The following NEBL variants were observed in gnomAD, a reference collection of about 807,000 sequenced individuals.
NEBL encodes nebulette.
Under a neutral mutation model 140.2 loss-of-function variants are expected in NEBL, and 122 were observed. The observed-to-expected ratio is 0.87, with a 90% CI of 0.75 to 1.01. NEBL has a LOEUF of 1.01. Among genes scored for constraint, NEBL ranks in the 50% least tolerant of loss-of-function variants. The probability of loss-of-function intolerance (pLI) is 0.00; values close to 1 mark genes in which losing one functional copy is unlikely to be tolerated. For missense variants in NEBL, 1,365 were observed against 1,231.3 expected (o/e 1.11, Z -1.62); for synonymous variants, 436 against 398.9 (o/e 1.09, Z -1.11).
chr10:20,828,312 G>A (rs751527639), intron 17 of NEBL, among the ~76,000 whole-genome samples: 14 of 152,026 alleles, frequency 9.2e-5, no homozygotes, highest in East Asian at 1.9e-4. Flanking sequence ...CATTTATACC[G>A]AAGAGGAAAT....
At position 21,173,473 on chromosome 10, in the gene NEBL, C is replaced by G. The variant is rs1841174279; in HGVS notation, c.69+292G>C. Reference sequence around the variant, plus strand: ...TGCCCCCCTGGGTGCCCAGCCTGGTCCCTCCGGGGTCCGGGGCTGCGCACC... The same window carrying G: ...TGCCCCCCTGGGTGCCCAGCCTGGTGCCTCCGGGGTCCGGGGCTGCGCACC... On this transcript the variant is annotated intron_variant, in intron 1 of 6. Transcript: ENST00000417816. The surrounding 1 kb of genome is among the most constrained non-coding windows in gnomAD (Gnocchi z 5.7). Among the ~76,000 whole-genome samples the G allele has an allele frequency of 6.7e-6, 1 of 149,606 alleles. No individual in the cohort carries two copies. Among genetic ancestry groups the G allele is most frequent in the African/African-American group, 2.5e-5 (1 of 40,724 alleles).
intron 2 of NEBL, among the ~76,000 whole-genome samples, chr10:21,099,617 C>T: frequency 6.6e-6 from 1 of 152,166 alleles, no homozygotes; most frequent in East Asian, 1.9e-4. Flanking sequence ...AGGGCCGTAA[C>T]TGCATTTGAT....
chr10:21,001,483 G>C (rs1837897640), intron 3 of NEBL, among the ~76,000 whole-genome samples: 1 of 152,032 alleles, frequency 6.6e-6, no homozygotes, highest in Non-Finnish European at 1.5e-5. Context: ...CATTATCACA[G>C]ATACTCCAGG....
intron 2 of NEBL, among the ~76,000 whole-genome samples, chr10:21,033,123 G>T (rs1387469026): frequency 6.6e-6 from 1 of 152,200 alleles, no homozygotes. Flanking sequence ...ACAAGGAAAT[G>T]TGTGACATCG....
intron 2 of NEBL, chr10:21,030,665 A>G: frequency 2.0e-6 from 1 of 506,522 alleles, no homozygotes; most frequent in Non-Finnish European, 3.9e-6. Context: ...GGTGTGGTGA[A>G]TGTCCCAAAA....
At chr10:21,044,322 G>A (rs1377702527) in intron 2 of NEBL, among the ~76,000 whole-genome samples, 4 of 149,668 alleles carry the variant, frequency 2.7e-5, no homozygotes, top group African/African-American at 4.9e-5. Flanking sequence ...GCTTGAACCC[G>A]GGAGGCGGAG....
At chr10:20,939,293 GA>G (rs1369173320) in intron 4 of NEBL, among the ~76,000 whole-genome samples, 1 of 152,178 alleles carries the variant, frequency 6.6e-6, no homozygotes, top group Non-Finnish European at 1.5e-5. Context: ...CATTCTTAAA[GA>G]AAAGAATTTT....
chr10:21,214,623 A>G (rs960502563), intron 3 of NEBL, among the ~76,000 whole-genome samples: 3 of 151,760 alleles, frequency 2.0e-5, no homozygotes, highest in Admixed American at 2.0e-4. Context: ...ACATGCACAC[A>G]TATGCACATT....
chr10:21,286,507 C>T (rs972541417), intron 1 of NEBL, among the ~76,000 whole-genome samples: 1 of 152,162 alleles, frequency 6.6e-6, no homozygotes, highest in African/African-American at 2.4e-5. Context: ...ATGCCTCTAC[C>T]CCTGCTTTTG....
intron 27 of NEBL, among the ~76,000 whole-genome samples, 164 bp downstream of exon 27, chr10:20,787,038 G>GT (rs1835473859): frequency 6.6e-6 from 1 of 152,148 alleles, no homozygotes; most frequent in Non-Finnish European, 1.5e-5. Flanking sequence ...ACCTCTGTAA[G>GT]TTTTTTGCTT....
rs1015707539 is a variant in NEBL at position 20,813,034 on chromosome 10, C to T, written c.2347-94G>A. The T allele has an allele frequency of 1.0e-4, 104 of 1,026,922 alleles. No individual in the cohort carries two copies. The East Asian group carries it at 1.2e-3, about 12-fold the overall frequency. 63.6% of individuals were successfully genotyped at this position (1,026,922 alleles called of 1,614,324 possible). A position where few individuals can be genotyped will look rare whatever the true frequency, so the allele number is the denominator to read the frequency against. Reference sequence around the variant, plus strand: ...TGACAGGTGTACACTGCACTGGCTGCGTGCAGATTGTCTACATGTATGTAT... The same window carrying T: ...TGACAGGTGTACACTGCACTGGCTGTGTGCAGATTGTCTACATGTATGTAT... On this transcript the variant is annotated intron_variant, in intron 23 of 27. Coordinates refer to ENST00000377122, the MANE Select transcript of NEBL (RefSeq NM_006393.3).
intron 2 of NEBL, among the ~76,000 whole-genome samples, chr10:21,063,305 A>G (rs533141190): frequency 4.1e-4 from 63 of 152,286 alleles, no homozygotes; most frequent in African/African-American, 1.4e-3. Flanking sequence ...TCATTCCATG[A>G]TCACCATCAA....
chr10:21,092,917 T>G (rs1210447956), intron 2 of NEBL, among the ~76,000 whole-genome samples: 1 of 152,076 alleles, frequency 6.6e-6, no homozygotes, highest in Non-Finnish European at 1.5e-5. Context: ...ATTATATTAC[T>G]CTAAAGTCTT....
At chr10:20,796,227 G>A (rs1008867033) in intron 26 of NEBL, among the ~76,000 whole-genome samples, 1 of 151,934 alleles carries the variant, frequency 6.6e-6, no homozygotes, top group African/African-American at 2.4e-5. Context: ...GCAGGGCGTA[G>A]TGGTGGGCGC....
At chr10:21,041,232 A>C (rs1834254161) in intron 2 of NEBL, among the ~76,000 whole-genome samples, 1 of 152,144 alleles carries the variant, frequency 6.6e-6, no homozygotes, top group Non-Finnish European at 1.5e-5. Flanking sequence ...GTAGGCCCTA[A>C]TGTCTATTGT....
At position 20,885,476 on chromosome 10, in the gene NEBL, G is replaced by A. The variant is rs533113615; in HGVS notation, c.369+2621C>T. On this transcript the variant is annotated intron_variant, in intron 4 of 27. Transcript: ENST00000377122. ...ACCTTTCCCAGTGGTGTCTATTTCAGTATAGGATAACATGCTAACAATGTC... is the reference window on the plus strand; with the variant it reads ...ACCTTTCCCAGTGGTGTCTATTTCAATATAGGATAACATGCTAACAATGTC... 5.9e-5 allele frequency among the ~76,000 whole-genome samples: 9 copies of A among 152,250 alleles called. No homozygotes were observed. The East Asian group carries it at 1.7e-3, about 29-fold the overall frequency.
intron 4 of NEBL, among the ~76,000 whole-genome samples, chr10:20,927,009 G>A (rs910825005): frequency 2.0e-5 from 3 of 152,210 alleles, no homozygotes; most frequent in Non-Finnish European, 1.5e-5. Context: ...GAGAAGGTCT[G>A]CACTAGGCAG....
Position 21,101,984 on chromosome 10 carries a change from G to T in NEBL, c.164+70399C>A, listed in dbSNP as rs139165271. Among the ~76,000 whole-genome samples the T allele has an allele frequency of 2.7e-3, 405 of 152,312 alleles. 1 individual carries two copies. The highest frequency in any genetic ancestry group is 9.1e-3 in the African/African-American group (380 of 41,564). ...AGAAGCCACAAAGGTAGACAGGGCA[G>T]GCCTGTCTTCCATAACATTCTCATA... On this transcript the variant is annotated intron_variant, in intron 2 of 6. Coordinates refer to the NEBL transcript ENST00000417816.
At chr10:20,822,790 T>C in intron 19 of NEBL, among the ~76,000 whole-genome samples, 1 of 152,134 alleles carries the variant, frequency 6.6e-6, no homozygotes, top group East Asian at 1.9e-4. Context: ...TTTCATTCCT[T>C]TTTAATTATT....
Sources: allele counts gnomAD v4.1 joint callset (sites outside exome capture counted in the v4.1 genomes callset), GRCh38; gene constraint gnomAD v4.1.1; non-coding constraint Gnocchi (gnomAD v3.1); transcripts MANE v1.5; gene names NCBI Gene and HGNC (gene_info 2026-07-23, HGNC 2026-07-21).